The following PRR16 variants were observed in gnomAD, a reference collection of about 807,000 sequenced individuals.
PRR16 encodes protein Largen.
Under a neutral mutation model 18.2 loss-of-function variants are expected in PRR16, and 6 were observed. The ratio of observed to expected loss-of-function variants is 0.33; its 90% CI spans 0.18 to 0.65. The LOEUF is 0.65. Ranked by LOEUF, PRR16 falls within the 30% of genes least tolerant of loss-of-function variation. The probability of loss-of-function intolerance (pLI) is 0.74; values close to 1 mark genes in which losing one functional copy is unlikely to be tolerated. For synonymous variants in PRR16, 151 were observed against 147.8 expected (o/e 1.02, Z -0.16); for missense variants, 412 against 376.6 (o/e 1.09, Z -0.78).
the PRR16 span, among the ~76,000 whole-genome samples, chr5:120,787,643 G>A: frequency 7.9e-5 from 12 of 152,194 alleles, no homozygotes; most frequent in African/African-American, 1.9e-4. Context: ...CTTAATTTAG[G>A]AAGAAGGAAT....
chr5:120,631,223 G>A (rs918340487), intron 1 of PRR16, among the ~76,000 whole-genome samples: 2 of 152,104 alleles, frequency 1.3e-5, no homozygotes, highest in Non-Finnish European at 2.9e-5. Context: ...GATTAAGATG[G>A]CAGATAAGAG....
the PRR16 span, among the ~76,000 whole-genome samples, chr5:120,775,794 C>CTTTTTTTTT: frequency 2.0e-4 from 24 of 122,562 alleles, no homozygotes; most frequent in East Asian, 6.8e-4. Flanking sequence ...CTACGCCTGG[C>CTTTTTTTTT]TATTTTTTTT....
chr5:120,773,837 A>G, the PRR16 span, among the ~76,000 whole-genome samples: 2 of 152,148 alleles, frequency 1.3e-5, no homozygotes, highest in African/African-American at 4.8e-5. Context: ...TGATAAAGGC[A>G]GACTAAATGC....
chr5:120,564,920 A>G (rs1174982927), intron 1 of PRR16, among the ~76,000 whole-genome samples: 1 of 150,092 alleles, frequency 6.7e-6, no homozygotes. Flanking sequence ...GGGGAGGTGG[A>G]CCTTGCAGTT....
chr5:120,754,434 G>GTATATATATATA, the PRR16 span, among the ~76,000 whole-genome samples: 1 of 25,886 alleles, frequency 3.9e-5, no homozygotes, highest in South Asian at 1.2e-3. Context: ...ATAATATATA[G>GTATATATATATA]TATATAGTAT....
chr5:120,635,785 A>G, intron 1 of PRR16, among the ~76,000 whole-genome samples: 1 of 152,216 alleles, frequency 6.6e-6, no homozygotes, highest in Admixed American at 6.5e-5. Context: ...CAGACAAGAG[A>G]AAGAAAGAAA....
chr5:120,565,920 T>C (rs1182992494), intron 1 of PRR16, among the ~76,000 whole-genome samples: 1 of 152,236 alleles, frequency 6.6e-6, no homozygotes, highest in Non-Finnish European at 1.5e-5. Flanking sequence ...CCCCTGAATT[T>C]TGATAGTTTG....
rs573664033 is a variant in PRR16, at chr5:120,629,187, T to A, written c.160-56767T>A. 3.9e-5 allele frequency among the ~76,000 whole-genome samples: 6 copies of A among 152,244 alleles called. No individual in the cohort carries two copies. In the South Asian group the frequency reaches 1.2e-3, roughly 32 times the overall value. On this transcript the variant is annotated intron_variant, in intron 1 of 1. Coordinates refer to ENST00000407149, the MANE Select transcript of PRR16 (RefSeq NM_001300783.2). ...ATTAGGATAATGGCCTCCAGCTCCA[T>A]CCTTTGAGATTTGCAAAGGACATGA...
At chr5:120,563,303 G>T (rs1467593923) in intron 1 of PRR16, among the ~76,000 whole-genome samples, 1 of 152,202 alleles carries the variant, frequency 6.6e-6, no homozygotes, top group Non-Finnish European at 1.5e-5. Context: ...GGCAATGCCA[G>T]TGACATTTGT....
chr5:120,574,712 A>G lies in PRR16; in HGVS notation c.159+110067A>G, dbSNP rs551912055. On this transcript the variant is annotated intron_variant, in intron 1 of 1. Transcript: ENST00000407149. ...GAAATGCAAATTAAAACCACTTTAT[A>G]ATATTTGTAAACTAAAATTATTAAA... Among the ~76,000 whole-genome samples, 16 of 149,464 alleles carry G rather than the reference A, an allele frequency of 1.1e-4. 1 individual carries two copies. In the South Asian group the frequency reaches 2.9e-3, roughly 27 times the overall value.
intron 1 of PRR16, among the ~76,000 whole-genome samples, chr5:120,632,701 A>T (rs1266364366): frequency 3.9e-5 from 6 of 152,286 alleles, no homozygotes; most frequent in African/African-American, 1.2e-4. Context: ...TTTTAAAAAG[A>T]TGAACAAAGC....
the PRR16 span, among the ~76,000 whole-genome samples, chr5:120,699,211 T>C: frequency 6.6e-6 from 1 of 152,194 alleles, no homozygotes; most frequent in South Asian, 2.1e-4. Context: ...TGAGAAGTTA[T>C]TTCCTTGAGG....
chr5:120,629,927 G>A (rs1754999163), intron 1 of PRR16, among the ~76,000 whole-genome samples: 1 of 151,816 alleles, frequency 6.6e-6, no homozygotes, highest in Non-Finnish European at 1.5e-5. Context: ...TTCATTAATT[G>A]GCACTTTATC....
At chr5:120,609,382 C>T (rs1274355565) in intron 1 of PRR16, among the ~76,000 whole-genome samples, 1 of 151,874 alleles carries the variant, frequency 6.6e-6, no homozygotes, top group African/African-American at 2.4e-5. Context: ...CCCTAGAGCC[C>T]CTGGTTAGCT....
chr5:120,791,358 T>G, the PRR16 span, among the ~76,000 whole-genome samples: 1 of 152,106 alleles, frequency 6.6e-6, no homozygotes, highest in Admixed American at 6.6e-5. Flanking sequence ...TATGACTTTC[T>G]TGTGAAGGGC....
At chr5:120,518,094 G>A (rs916770222) in intron 1 of PRR16, among the ~76,000 whole-genome samples, 1 of 152,062 alleles carries the variant, frequency 6.6e-6, no homozygotes, top group Admixed American at 6.6e-5. Context: ...TCTATGACCC[G>A]GACATGTGAC....
At chr5:120,584,806 T>C (rs1218675901) in intron 1 of PRR16, among the ~76,000 whole-genome samples, 6 of 152,220 alleles carry the variant, frequency 3.9e-5, no homozygotes, top group Non-Finnish European at 8.8e-5. Flanking sequence ...GAGTCTTCTA[T>C]GTAGAAGGGC....
chr5:120,516,180 T>G (rs2112643925), intron 1 of PRR16, among the ~76,000 whole-genome samples: 1 of 151,924 alleles, frequency 6.6e-6, no homozygotes, highest in Non-Finnish European at 1.5e-5. Flanking sequence ...TCTCAGCACT[T>G]TGGGAGGTGG....
At chr5:120,693,619 T>G in the PRR16 span, among the ~76,000 whole-genome samples, 12 of 152,226 alleles carry the variant, frequency 7.9e-5, no homozygotes, top group African/African-American at 2.7e-4. Context: ...TTATAATATC[T>G]TCTAGATTGG....
Sources: gnomAD v4.1 joint callset for allele counts (sites outside exome capture counted in the v4.1 genomes callset) on GRCh38, gnomAD v4.1.1 for gene constraint, MANE v1.5 for transcripts, NCBI Gene and HGNC (gene_info 2026-07-23, HGNC 2026-07-21) for gene names.